Variants in IFT140 observed in about 807,000 individuals in gnomAD.
The protein encoded by IFT140 is intraflagellar transport 140, also known as intraflagellar transport protein 140 homolog.
Under a neutral mutation model 164.6 loss-of-function variants are expected in IFT140, and 133 were observed. The observed-to-expected ratio is 0.81, with a 90% confidence interval of 0.70 to 0.93. The LOEUF is 0.93. Ranked by LOEUF, IFT140 falls within the 40% of genes least tolerant of loss-of-function variation. IFT140 has a pLI of 0.00. For synonymous variants in IFT140, 860 were observed against 817.3 expected (o/e 1.05, Z -0.89); for missense variants, 2,045 against 1,972.3 (o/e 1.04, Z -0.70).
chr16:1,590,256 C>T (rs2035108833), intron 6 of IFT140, among the ~76,000 whole-genome samples: 2 of 151,620 alleles, frequency 1.3e-5, no homozygotes, highest in African/African-American at 4.8e-5. Flanking sequence ...ACCTTACAGG[C>T]TGCAACCTCC....
In IFT140 at chr16:1,607,169, GC is replaced by G. The variant is rs755096924; in HGVS notation, c.97del (p.Ala33LeufsTer53). 1 of 1,614,168 alleles carries G rather than the reference GC, an allele frequency of 6.2e-7. No homozygotes were observed. Among genetic ancestry groups the G allele is most frequent in the East Asian group, 2.2e-5 (1 of 44,882 alleles). On this transcript the variant is annotated frameshift_variant, in exon 3 of 31. Coordinates refer to ENST00000426508, the MANE Select transcript of IFT140 (RefSeq NM_014714.4). LOFTEE classifies it high-confidence loss of function. ...GCCTGTTGAGGTTGTGCTGATGTAA[GC>G]AACTGCCAAGAATGGATGGACAGGG... is the stretch of plus-strand genomic sequence containing the variant. ...WHPVHPFLAVAYISTTSTGSV... is the reference protein window; with the variant it reads ...WHPVHPFLAVXYISTTSTGSV...
Position 1,537,770 on chromosome 16 carries a change from C to T in IFT140, c.2400-10974G>A, listed in dbSNP as rs555441590. Among the ~76,000 whole-genome samples, 13 of 152,330 alleles carry T rather than the reference C, an allele frequency of 8.5e-5. 1 individual carries two copies. The South Asian group carries it at 1.7e-3, about 19-fold the overall frequency. On this transcript the variant is annotated intron_variant, in intron 19 of 30. Transcript: ENST00000426508. The stretch of plus-strand genomic sequence containing the variant: ...ACAAGGTGGCTTGGGAACAGATGAC[C>T]GTGTGATTGAATCTCGAGGCAGGCG...
intron 12 of IFT140, among the ~76,000 whole-genome samples, chr16:1,581,757 G>GGGGGT: frequency 1.0e-5 from 1 of 96,446 alleles, no homozygotes; most frequent in Non-Finnish European, 2.1e-5. Context: ...GAGGGGAGCG[G>GGGGGT]GGGGTGGGGA....
At chr16:1,566,325 C>G (rs2033715463) in intron 15 of IFT140, 34 bp from the exon 16 acceptor site, 1 of 1,608,690 alleles carries the variant, frequency 6.2e-7, no homozygotes, top group Non-Finnish European at 8.5e-7. Flanking sequence ...GCTCACGGAG[C>G]CTGCCCAGAC....
At chr16:1,556,336 C>T (rs1401875590) in intron 19 of IFT140, among the ~76,000 whole-genome samples, 3 of 152,260 alleles carry the variant, frequency 2.0e-5, no homozygotes, top group East Asian at 1.9e-4. Flanking sequence ...CCAAGGCTGC[C>T]TGGCCACACT....
rs922819138 is a variant in IFT140 at position 1,530,133 on chromosome 16, C to CTTTTTT, written c.2400-3343_2400-3338dup. 1.9e-4 allele frequency among the ~76,000 whole-genome samples: 17 copies of CTTTTTT among 88,586 alleles called. 1 individual carries two copies. The highest frequency in any genetic ancestry group is 3.3e-4 in the African/African-American group (6 of 18,456). The allele number at this position is 88,586 out of a possible 152,430, so 58.1% of individuals were successfully genotyped here. A position where few individuals can be genotyped will look rare whatever the true frequency, so the allele number is the denominator to read the frequency against. On this transcript the variant is annotated intron_variant, in intron 19 of 30. Coordinates refer to ENST00000426508, the MANE Select transcript of IFT140 (RefSeq NM_014714.4). ...TCCCAAAAGACTTCACGACGGGAAT[C>CTTTTTT]TTTTTTTTTTTTTTTTTTTTTTTTG...
intron 17 of IFT140, among the ~76,000 whole-genome samples, 196 bp downstream of exon 17, chr16:1,563,801 C>A (rs965054333): frequency 5.9e-5 from 9 of 152,190 alleles, no homozygotes; most frequent in Admixed American, 4.6e-4. Flanking sequence ...TATTATTATT[C>A]TTTTTTAGAG....
chr16:1,598,319 G>A (rs537783069), intron 4 of IFT140, among the ~76,000 whole-genome samples: 5 of 152,214 alleles, frequency 3.3e-5, no homozygotes, highest in Middle Eastern at 3.4e-3. Context: ...TTAGCCAGGC[G>A]TGGTGGCGGG....
chr16:1,602,372 T>A lies in IFT140; in HGVS notation c.367A>T (p.Arg123Trp). 6.2e-7 allele frequency: 1 copy of A among 1,613,920 alleles called. No individual in the cohort carries two copies. The highest frequency in any genetic ancestry group is 8.5e-7 in the Non-Finnish European group (1 of 1,179,760). The change falls in exon 4 of 31, where the codon AGG becomes TGG. Residue 123 changes from arginine to tryptophan, a missense_variant and splice_region_variant. Physicochemically the swap from Arg to Trp is moderately radical, Grantham distance 101. Transcript: ENST00000426508. ...PSGNCLLSGDRLGVLLLWRLD... is the reference protein window; with the variant it reads ...PSGNCLLSGDWLGVLLLWRLD... ...GCGTCTTGCGCGTGTTGACTCACCC[T>A]GTCCCCAGACAGCAGGCAGTTTCCA...
intron 4 of IFT140, among the ~76,000 whole-genome samples, chr16:1,598,148 C>T (rs945178309): frequency 1.3e-5 from 2 of 152,020 alleles, no homozygotes; most frequent in African/African-American, 2.4e-5. Context: ...AAAAACTTGG[C>T]GAATAATATG....
At chr16:1,545,866 G>A (rs2032127405) in intron 19 of IFT140, among the ~76,000 whole-genome samples, 1 of 152,214 alleles carries the variant, frequency 6.6e-6, no homozygotes, top group Non-Finnish European at 1.5e-5. Context: ...GTCTGGGTCT[G>A]CAAAGGGACC....
intron 18 of IFT140, among the ~76,000 whole-genome samples, chr16:1,560,013 C>T (rs955947209): frequency 6.6e-6 from 1 of 152,134 alleles, no homozygotes; most frequent in Non-Finnish European, 1.5e-5. Flanking sequence ...ACAAACGCCA[C>T]CATGCAAAAT....
At chr16:1,547,879 G>T (rs971529526) in intron 19 of IFT140, among the ~76,000 whole-genome samples, 4 of 152,088 alleles carry the variant, frequency 2.6e-5, no homozygotes, top group African/African-American at 9.7e-5. Context: ...GTCTTGCCAC[G>T]TTGCCCAGGC....
rs756125540 is a variant in IFT140, at chr16:1,524,727, CGGT to C, written c.2998-35_2998-33del. ...AGACAAAGAACCCAAAGACGAGACA[CGGT>C]GGCCTTGTGTCTGCCTCGTGTCCGC... On this transcript the variant is annotated intron_variant, in intron 23 of 30. Transcript: ENST00000426508. The C allele has an allele frequency of 7.8e-5, 123 of 1,581,358 alleles. No homozygotes were observed. In the Middle Eastern group the frequency reaches 2.2e-3, roughly 28 times the overall value.
rs371031879 is a variant in IFT140 at position 1,556,608 on chromosome 16, A to G, written c.2399+1327T>C. ...CCAGGAATTGGTCTTCAACTGCTAA[A>G]GACTGGAAAGCATTTACGGACTGAC... On this transcript the variant is annotated intron_variant, in intron 19 of 30. Transcript: ENST00000426508. Among the ~76,000 whole-genome samples, 5 of 152,352 alleles carry G rather than the reference A, an allele frequency of 3.3e-5. No homozygotes were observed. The East Asian group carries it at 7.7e-4, about 23-fold the overall frequency.
At chr16:1,523,350 G>A (rs1484664376) in intron 26 of IFT140, among the ~76,000 whole-genome samples, 168 bp downstream of exon 26, 3 of 152,130 alleles carry the variant, frequency 2.0e-5, no homozygotes. Context: ...CTACACTTGC[G>A]GACCTCCTGG....
intron 19 of IFT140, chr16:1,554,126 G>A (rs2032898468): frequency 7.8e-7 from 1 of 1,287,010 alleles, no homozygotes; most frequent in Non-Finnish European, 1.0e-6. Flanking sequence ...CGGAAGTGAG[G>A]GAAGACACCA....
At chr16:1,602,689 T>C (rs983438207) in intron 3 of IFT140, 98 bp from the exon 4 acceptor site, 7 of 1,111,434 alleles carry the variant, frequency 6.3e-6, no homozygotes, top group Middle Eastern at 2.9e-4. Flanking sequence ...CTCCTGTAAT[T>C]ACAGCACTTT....
At chr16:1,516,598 T>A (rs2040354780) in intron 30 of IFT140, among the ~76,000 whole-genome samples, 1 of 151,570 alleles carries the variant, frequency 6.6e-6, no homozygotes, top group Non-Finnish European at 1.5e-5. Flanking sequence ...TGAAACCCTG[T>A]CTCTACTAAA....
Sources: allele counts gnomAD v4.1 joint callset (sites outside exome capture counted in the v4.1 genomes callset), GRCh38; gene constraint gnomAD v4.1.1; transcripts MANE v1.5; gene names NCBI Gene and HGNC (gene_info 2026-07-23, HGNC 2026-07-21).